ST7: variants seen among roughly 807,000 people sequenced by gnomAD.
ST7 encodes suppression of tumorigenicity 7, also known as suppressor of tumorigenicity 7 protein.
In ST7, 28 loss-of-function variants were observed where a neutral mutation model predicts 78.7. The observed-to-expected ratio is 0.36, with a 90% CI of 0.26 to 0.49. The LOEUF is 0.49. Among genes scored for constraint, ST7 ranks in the 20% least tolerant of loss-of-function variants. The pLI, the probability that ST7 is intolerant of heterozygous loss-of-function variation, is 0.99. For synonymous variants in ST7, 247 were observed against 249.6 expected (o/e 0.99, Z 0.10); for missense variants, 418 against 696.0 (o/e 0.60, Z 4.49).
At chr7:117,205,238 A>G (rs1791641163) in intron 12 of ST7, among the ~76,000 whole-genome samples, 1 of 152,178 alleles carries the variant, frequency 6.6e-6, no homozygotes, top group Non-Finnish European at 1.5e-5. Flanking sequence ...ATAATCTGCT[A>G]TGTAAATTGT....
chr7:117,005,085 C>T (rs1334338546), intron 1 of ST7, among the ~76,000 whole-genome samples: 2 of 152,122 alleles, frequency 1.3e-5, no homozygotes, highest in Non-Finnish European at 2.9e-5. Context: ...CATCTGTTCT[C>T]AATGCACTAC....
intron 1 of ST7, chr7:117,072,490 A>C (rs1799031301): frequency 6.6e-6 from 1 of 152,298 alleles, no homozygotes; most frequent in East Asian, 1.9e-4. Context: ...TTAGTAACAG[A>C]TGTTTTGATT....
At chr7:117,201,703 C>T (rs1468308880) in intron 12 of ST7, among the ~76,000 whole-genome samples, 1 of 151,974 alleles carries the variant, frequency 6.6e-6, no homozygotes, top group Non-Finnish European at 1.5e-5. Flanking sequence ...TGCCATGTTG[C>T]CCAGGCTGGT....
intron 1 of ST7, among the ~76,000 whole-genome samples, chr7:117,053,973 G>C (rs1797931095): frequency 6.6e-6 from 1 of 152,014 alleles, no homozygotes; most frequent in Non-Finnish European, 1.5e-5. Context: ...GAGTAGCTGG[G>C]ATTACAGGCA....
intron 12 of ST7, among the ~76,000 whole-genome samples, chr7:117,196,289 G>C (rs1159757215): frequency 6.6e-6 from 1 of 152,126 alleles, no homozygotes; most frequent in Non-Finnish European, 1.5e-5. Context: ...TACCCAGAAG[G>C]GGGAATGACT....
intron 1 of ST7, among the ~76,000 whole-genome samples, chr7:117,008,182 G>A (rs753648866): frequency 5.3e-5 from 8 of 152,184 alleles, no homozygotes; most frequent in South Asian, 2.1e-4. Flanking sequence ...CATGATCAGC[G>A]TAACTCATTA....
intron 1 of ST7, among the ~76,000 whole-genome samples, chr7:117,015,626 G>T (rs543429330): frequency 6.6e-6 from 1 of 152,114 alleles, no homozygotes. Context: ...AATAAGGTTA[G>T]ATTAACCATG....
chr7:117,038,229 A>G (rs1271842705), intron 1 of ST7, among the ~76,000 whole-genome samples: 1 of 152,138 alleles, frequency 6.6e-6, no homozygotes. Flanking sequence ...TCCTGCATTA[A>G]CCTATGCAGG....
At chr7:117,214,215 A>G (rs1792510008) in intron 13 of ST7, among the ~76,000 whole-genome samples, 2 of 152,158 alleles carry the variant, frequency 1.3e-5, no homozygotes, top group African/African-American at 4.8e-5. Flanking sequence ...GCCATGGGGT[A>G]AATCACTTAG....
chr7:117,015,434 A>G (rs531532715), intron 1 of ST7, among the ~76,000 whole-genome samples: 192 of 152,302 alleles, frequency 1.3e-3, no homozygotes, highest in African/African-American at 3.7e-3. Context: ...GCTCTTTTAG[A>G]TGGTGTTAAT....
intron 1 of ST7, among the ~76,000 whole-genome samples, chr7:117,092,753 C>T (rs951986761): frequency 3.3e-5 from 5 of 152,126 alleles, no homozygotes; most frequent in Non-Finnish European, 5.9e-5. Flanking sequence ...TAACTTATCT[C>T]GTAATGTGCT....
intron 1 of ST7, among the ~76,000 whole-genome samples, chr7:116,998,876 A>G (rs1210444490): frequency 6.6e-6 from 1 of 152,258 alleles, no homozygotes; most frequent in Non-Finnish European, 1.5e-5. Context: ...GAGGTGACTG[A>G]GACCTAAAGA....
rs1302994175 is a variant in ST7 at position 117,129,807 on chromosome 7, C to T, written c.409C>T (p.Arg137Ter). Residue 137 changes from arginine (R) to a stop codon, truncating the protein, a stop_gained, in exon 4 of 16, where the codon CGA (arginine) becomes TGA (stop). Coordinates refer to ENST00000323984, the MANE Select transcript of ST7 (RefSeq NM_001369598.1). LOFTEE classifies it high-confidence loss of function. The part of the protein sequence containing the change: ...RQSVSECKVW[R>*]NPLNLFRGAE... ...CTTTGTTGCAGAATGCAAAGTATGG[C>T]GAAATCCACTAAATTTATTTAGGGG... The T allele has an allele frequency of 6.2e-7, 1 of 1,609,980 alleles. No homozygotes were observed. Among genetic ancestry groups the T allele is most frequent in the Non-Finnish European group, 8.5e-7 (1 of 1,177,860 alleles).
At chr7:117,152,936 G>A (rs377213188) in intron 9 of ST7, among the ~76,000 whole-genome samples, 2 of 152,084 alleles carry the variant, frequency 1.3e-5, no homozygotes, top group East Asian at 3.9e-4. Flanking sequence ...TTTCAACCTT[G>A]CCTTCTATTT....
chr7:117,200,042 A>G (rs1810672510), intron 12 of ST7, among the ~76,000 whole-genome samples: 1 of 152,078 alleles, frequency 6.6e-6, no homozygotes, highest in Non-Finnish European at 1.5e-5. Context: ...CATTATCACC[A>G]AGGAGGGCTT....
intron 1 of ST7, among the ~76,000 whole-genome samples, chr7:116,989,811 C>T (rs530073149): frequency 6.6e-6 from 1 of 152,198 alleles, no homozygotes; most frequent in South Asian, 2.1e-4. Context: ...TGCACTCTAG[C>T]CTAGGTGACA....
Position 117,230,068 on chromosome 7 carries a change from G to A in ST7, c.*211G>A. ...ATTTTATTTTGCCTTCAGAAAAGAA[G>A]AAAGTCAAAAATAAAACTTTTGTGT... On this transcript the variant is annotated 3_prime_UTR_variant, in exon 16 of 16. Coordinates refer to ENST00000323984, the MANE Select transcript of ST7 (RefSeq NM_001369598.1). 1 of 712,842 alleles carries A rather than the reference G, an allele frequency of 1.4e-6. No individual in the cohort carries two copies. The highest frequency in any genetic ancestry group is 2.6e-6 in the Non-Finnish European group (1 of 384,504). 44.2% of individuals were successfully genotyped at this position (712,842 alleles called of 1,614,324 possible). A position where few individuals can be genotyped will look rare whatever the true frequency, so the allele number is the denominator to read the frequency against.
chr7:117,136,277 G>A (rs762183103), intron 8 of ST7, 42 bp downstream of exon 8: 6 of 1,612,640 alleles, frequency 3.7e-6, no homozygotes, highest in African/African-American at 1.3e-5. Context: ...GATCAGAATT[G>A]TAAAAATTAT....
chr7:117,120,863 G>A (rs1203489237), intron 3 of ST7, among the ~76,000 whole-genome samples: 1 of 151,992 alleles, frequency 6.6e-6, no homozygotes, highest in African/African-American at 2.4e-5. Context: ...TTTATATAAA[G>A]AATAAGGCTT....
Sources: gnomAD v4.1 joint callset for allele counts (sites outside exome capture counted in the v4.1 genomes callset) on GRCh38, gnomAD v4.1.1 for gene constraint, MANE v1.5 for transcripts, NCBI Gene and HGNC (gene_info 2026-07-23, HGNC 2026-07-21) for gene names.